The following MEIS2 variants were observed in gnomAD, a reference collection of about 807,000 sequenced individuals.
MEIS2 encodes Meis homeobox 2, also known as homeobox protein Meis2.
A neutral mutation model predicts 58.6 loss-of-function variants in MEIS2; 9 were observed. The observed-to-expected ratio is 0.15, with a 90% CI of 0.09 to 0.27. The LOEUF (loss-of-function observed/expected upper bound fraction) is 0.27. Among genes scored for constraint, MEIS2 ranks in the 10% least tolerant of loss-of-function variants. The pLI is 1.00. For missense variants in MEIS2, 427 were observed against 635.0 expected, an observed-to-expected ratio of 0.67 and a Z score of 3.52; for synonymous variants, 221 against 228.4, an observed-to-expected ratio of 0.97 and a Z score of 0.29.
rs554193583 is a variant in MEIS2 at position 36,939,872 on chromosome 15, A to C, written c.977+10452T>G. ...ACTTGATGGTAAATTGGCAGGCATT[A>C]CTTACTTAGGGTATGGGACGGGTAA... On this transcript the variant is annotated intron_variant, in intron 9 of 11. Transcript: ENST00000561208. Among the ~76,000 whole-genome samples the C allele has an allele frequency of 7.9e-5, 12 of 152,326 alleles. No homozygotes were observed. The South Asian group carries it at 2.5e-3, about 32-fold the overall frequency.
chr15:37,028,570 A>G (rs1235057125), intron 8 of MEIS2, among the ~76,000 whole-genome samples: 4 of 152,226 alleles, frequency 2.6e-5, no homozygotes, highest in African/African-American at 9.7e-5. Flanking sequence ...GAAATTGTAA[A>G]AACGACAACA....
In MEIS2 at chr15:37,002,237, G is replaced by A. The variant is rs189131504; in HGVS notation, c.900+34577C>T. On this transcript the variant is annotated intron_variant, in intron 8 of 11. Transcript: ENST00000561208. The stretch of plus-strand genomic sequence containing the variant: ...CTGCTTCCCATACATTCCCTGCACC[G>A]TCCTGCTGGCTCCAGCCCCCACCCC... Among the ~76,000 whole-genome samples, 580 of 151,734 alleles carry A rather than the reference G, an allele frequency of 3.8e-3. 3 individuals are homozygous for A. The highest frequency in any genetic ancestry group is 5.0e-3 in the Non-Finnish European group (339 of 67,936).
chr15:37,038,073 G>A (rs945325628), intron 7 of MEIS2, among the ~76,000 whole-genome samples: 1 of 152,188 alleles, frequency 6.6e-6, no homozygotes, highest in Non-Finnish European at 1.5e-5. Context: ...AGAAGCCAGG[G>A]TCCTGGAAGG....
chr15:36,922,117 G>A (rs903608730), intron 9 of MEIS2, among the ~76,000 whole-genome samples: 6 of 152,192 alleles, frequency 3.9e-5, no homozygotes, highest in African/African-American at 4.8e-5. Context: ...ACAGGATAAC[G>A]CAGCACATAG....
intron 7 of MEIS2, among the ~76,000 whole-genome samples, chr15:37,045,972 G>T (rs563285865): frequency 1.6e-4 from 24 of 152,140 alleles, no homozygotes; most frequent in Non-Finnish European, 3.1e-4. Context: ...CCCTCCCCCC[G>T]GGGTATGAGC....
chr15:36,936,195 T>G (rs937447520), intron 9 of MEIS2, among the ~76,000 whole-genome samples: 1 of 148,652 alleles, frequency 6.7e-6, no homozygotes, highest in African/African-American at 2.6e-5. Flanking sequence ...TGCATTTTCT[T>G]TCTTTTTTTT....
At chr15:37,101,082 G>A (rs1224772364), upstream of MEIS2, 1 of 151,886 alleles carries the variant, frequency 6.6e-6, no homozygotes, top group East Asian at 2.0e-4. Context: ...TACCACTGCC[G>A]GGCTAAATTT....
chr15:37,070,053 A>T (rs1480106610), intron 7 of MEIS2, among the ~76,000 whole-genome samples: 2 of 152,188 alleles, frequency 1.3e-5, no homozygotes, highest in Non-Finnish European at 2.9e-5. Context: ...TCATGTCAAG[A>T]GTAAAAGTCT....
intron 7 of MEIS2, among the ~76,000 whole-genome samples, chr15:37,083,240 T>C (rs1020223859): frequency 6.6e-6 from 1 of 152,178 alleles, no homozygotes; most frequent in South Asian, 2.1e-4. Context: ...GTCAGCTGAA[T>C]GGAAATGGGG....
At chr15:36,984,477 T>C (rs1260046662) in intron 8 of MEIS2, among the ~76,000 whole-genome samples, 1 of 152,144 alleles carries the variant, frequency 6.6e-6, no homozygotes, top group Non-Finnish European at 1.5e-5. Flanking sequence ...CAATGTGCTG[T>C]TCAATTTAGA....
At chr15:37,028,541 G>T (rs968943282) in intron 8 of MEIS2, among the ~76,000 whole-genome samples, 1 of 152,092 alleles carries the variant, frequency 6.6e-6, no homozygotes, top group Non-Finnish European at 1.5e-5. Context: ...TAAATTTTTG[G>T]CCTGTCTCTT....
rs2140105745 is a variant in MEIS2, at chr15:37,099,556, T to A, written c.-90A>T. Reference sequence around the variant, plus strand: ...GTGATCTAGGCTGAAGATTCCTTTTTTTTTTTTCCAAACCAAAGAGACTTC... The same window carrying A: ...GTGATCTAGGCTGAAGATTCCTTTTATTTTTTTCCAAACCAAAGAGACTTC... On this transcript the variant is annotated 5_prime_UTR_variant, in exon 1 of 12. Transcript: ENST00000561208. 6.4e-7 allele frequency: 1 copy of A among 1,561,912 alleles called. No individual in the cohort carries two copies. The highest frequency in any genetic ancestry group is 1.7e-4 in the Middle Eastern group (1 of 5,828).
At chr15:36,934,979 A>AT (rs2058109096) in intron 9 of MEIS2, among the ~76,000 whole-genome samples, 7 of 152,072 alleles carry the variant, frequency 4.6e-5, no homozygotes, top group Non-Finnish European at 8.8e-5. Context: ...CAGAGACATA[A>AT]AGCTACTGAA....
Position 37,070,456 on chromosome 15 carries a change from A to T in MEIS2, c.754+13315T>A, listed in dbSNP as rs554143627. ...AGAGATAATGCATAAAAGCGTTTCA[A>T]TGGTTAAATGAGTCTGGAAAGCTCT... On this transcript the variant is annotated intron_variant, in intron 7 of 11. Transcript: ENST00000561208. 2.0e-5 allele frequency among the ~76,000 whole-genome samples: 3 copies of T among 152,294 alleles called. No homozygotes were observed. In the South Asian group the frequency reaches 6.2e-4, roughly 32 times the overall value.
intron 8 of MEIS2, among the ~76,000 whole-genome samples, chr15:36,974,797 G>A (rs561000034): frequency 1.6e-4 from 25 of 152,320 alleles, no homozygotes; most frequent in Non-Finnish European, 2.5e-4. Flanking sequence ...TTTCTCTGGC[G>A]TTTTGGGGTG....
At chr15:37,003,037 C>T (rs538544401) in intron 8 of MEIS2, among the ~76,000 whole-genome samples, 46 of 152,116 alleles carry the variant, frequency 3.0e-4, no homozygotes, top group Non-Finnish European at 5.7e-4. Flanking sequence ...AAGATTTTTC[C>T]TTGAATGACT....
At chr15:37,084,953 C>G (rs1892701112) in intron 6 of MEIS2, among the ~76,000 whole-genome samples, 1 of 152,098 alleles carries the variant, frequency 6.6e-6, no homozygotes, top group African/African-American at 2.4e-5. Context: ...GCCCACAGAC[C>G]TACTGGCAAG....
intron 8 of MEIS2, among the ~76,000 whole-genome samples, chr15:36,972,082 T>G (rs1262531202): frequency 1.3e-5 from 2 of 152,186 alleles, no homozygotes; most frequent in Non-Finnish European, 2.9e-5. Context: ...AAAACTAACT[T>G]TATTGAAGAA....
chr15:36,895,333 G>T (rs900323135), intron 10 of MEIS2, 72 bp from the exon 11 acceptor site: 5 of 1,313,614 alleles, frequency 3.8e-6, no homozygotes, highest in Non-Finnish European at 5.4e-6. Context: ...AATTGTTCCC[G>T]CTGCAGCACT....
Sources: allele counts gnomAD v4.1 joint callset (sites outside exome capture counted in the v4.1 genomes callset), GRCh38; gene constraint gnomAD v4.1.1; transcripts MANE v1.5; gene names NCBI Gene and HGNC (gene_info 2026-07-23, HGNC 2026-07-21).